Variants in ZBTB17 observed in about 807,000 individuals in gnomAD.
ZBTB17 encodes zinc finger and BTB domain-containing protein 17.
A neutral mutation model predicts 85.1 loss-of-function variants in ZBTB17; 24 were observed. That is an observed-to-expected ratio of 0.28 (90% CI 0.20 to 0.40). The LOEUF (loss-of-function observed/expected upper bound fraction) is 0.40. Among genes scored for constraint, ZBTB17 ranks in the 10% least tolerant of loss-of-function variants. The probability of loss-of-function intolerance (pLI) is 1.00; values close to 1 mark genes in which losing one functional copy is unlikely to be tolerated. For synonymous variants in ZBTB17, 464 were observed against 460.2 expected, an observed-to-expected ratio of 1.01 and a Z score of -0.11; for missense variants, 743 against 1,105.1, an observed-to-expected ratio of 0.67 and a Z score of 4.65.
intron 2 of ZBTB17, among the ~76,000 whole-genome samples, chr1:15,957,651 G>C (rs2072099544): frequency 6.6e-6 from 1 of 152,180 alleles, no homozygotes; most frequent in African/African-American, 2.4e-5. Flanking sequence ...AGGAGGCTTA[G>C]TAGGGGCCCC....
intron 2 of ZBTB17, among the ~76,000 whole-genome samples, chr1:15,972,192 C>T (rs1243947489): frequency 2.6e-5 from 4 of 152,198 alleles, no homozygotes; most frequent in African/African-American, 2.4e-5. Context: ...TCCCGGGATT[C>T]AGTCTTACTT....
Position 15,944,550 on chromosome 1 carries a change from A to G in ZBTB17, c.1121T>C (p.Ile374Thr). ...CTTCTTGTGCAGGTTCAGCAGGCTG[A>G]TGAGGCGGTAGCTCTTCCCGCACTC... is the stretch of plus-strand genomic sequence containing the variant. ...CEECGKSYRL[I>T]SLLNLHKKRH... The change falls in exon 9 of 16, where the codon ATC becomes ACC. Residue 374 changes from isoleucine to threonine, a missense_variant. Physicochemically the swap from Ile to Thr is moderately conservative, Grantham distance 89. This residue lies in a region of ZBTB17 where 321 missense variants were observed against 615.7 expected (regional missense o/e 0.52). Coordinates refer to ENST00000375743, the MANE Select transcript of ZBTB17 (RefSeq NM_003443.3). 1 of 1,597,068 alleles carries G rather than the reference A, an allele frequency of 6.3e-7. No homozygotes were observed. The highest frequency in any genetic ancestry group is 8.5e-7 in the Non-Finnish European group (1 of 1,177,778).
chr1:15,975,015 G>T (rs1048925999), intron 1 of ZBTB17, among the ~76,000 whole-genome samples: 1 of 152,164 alleles, frequency 6.6e-6, no homozygotes, highest in African/African-American at 2.4e-5. Context: ...AGCTTTCTGG[G>T]GGACAGAAGC....
intron 13 of ZBTB17, 93 bp downstream of exon 13, chr1:15,942,971 A>C: frequency 4.5e-6 from 7 of 1,547,084 alleles, no homozygotes; most frequent in Non-Finnish European, 6.1e-6. Context: ...CTAGCACCCG[A>C]GGCTGGGGTC....
chr1:15,970,106 A>G, intron 2 of ZBTB17: 1 of 646,130 alleles, frequency 1.5e-6, no homozygotes, highest in Non-Finnish European at 2.8e-6. Context: ...ATTACCCAAC[A>G]CCACAGTAGT....
In ZBTB17 at chr1:15,953,150, T is replaced by G. The variant is rs982555092; in HGVS notation, c.-2-4653A>C. On this transcript the variant is annotated intron_variant, in intron 2 of 15. Coordinates refer to ENST00000375743, the MANE Select transcript of ZBTB17 (RefSeq NM_003443.3). The surrounding 1 kb of genome is among the most constrained non-coding windows in gnomAD (Gnocchi z 5.1). ...TGTGTATATTTCATATACATTTACA[T>G]GAAAACATTCCAATTATTTAAAAAA... Among the ~76,000 whole-genome samples, 3 of 152,074 alleles carry G rather than the reference T, an allele frequency of 2.0e-5. No individual in the cohort carries two copies. The highest frequency in any genetic ancestry group is 2.0e-4 in the Admixed American group (3 of 15,270).
Position 15,952,721 on chromosome 1 carries a change from G to A in ZBTB17, c.-2-4224C>T, listed in dbSNP as rs539150716. 6.6e-6 allele frequency among the ~76,000 whole-genome samples: 1 copy of A among 152,234 alleles called. No homozygotes were observed. The highest frequency in any genetic ancestry group is 1.5e-5 in the Non-Finnish European group (1 of 68,050). ...CCGTGTGAGTGGGAGACACATGGAG[G>A]GGCTCTGGGGAGAGGGCACATGGAG... On this transcript the variant is annotated intron_variant, in intron 2 of 15. Transcript: ENST00000375743. This position sits in a 1 kb window ranked among gnomAD's most constrained non-coding sequence, Gnocchi z 4.3.
In ZBTB17 at chr1:15,944,757, C is replaced by T. The variant is rs1334803768; in HGVS notation, c.1010G>A (p.Arg337Gln). The T allele has an allele frequency of 1.2e-6, 2 of 1,612,796 alleles. No individual in the cohort carries two copies. The highest frequency in any genetic ancestry group is 1.7e-6 in the Non-Finnish European group (2 of 1,179,854). The change falls in exon 8 of 16, where the codon CGG becomes CAG. Residue 337 changes from arginine to glutamine, a missense_variant. Physicochemically the swap from Arg to Gln is conservative, Grantham distance 43 (BLOSUM62 1). This residue lies in a region of ZBTB17 where 321 missense variants were observed against 615.7 expected (regional missense o/e 0.52). Transcript: ENST00000375743. ...GTCGGAAAAGGCCTTGCTGCACTCC[C>T]GGCACGAGAAGGGCTTCTCCCCCGT... ...IHTGEKPFSCRECSKAFSDPA... is the reference protein window; with the variant it reads ...IHTGEKPFSCQECSKAFSDPA...
chr1:15,946,461 C>A, intron 4 of ZBTB17, 167 bp from the exon 5 acceptor site: 1 of 1,044,916 alleles, frequency 9.6e-7, no homozygotes, highest in Non-Finnish European at 1.4e-6. Flanking sequence ...GCACCCACTC[C>A]ATGCCAGGCT....
chr1:15,944,725 C>A lies in ZBTB17; in HGVS notation c.1042G>T (p.Ala348Ser). The change falls in exon 8 of 16, where the codon GCG becomes TCG. Residue 348 changes from alanine to serine, a missense_variant. By Grantham distance (99) the Ala-to-Ser change is moderately conservative. Coordinates refer to ENST00000375743, the MANE Select transcript of ZBTB17 (RefSeq NM_003443.3). The part of the protein sequence containing the change: ...ECSKAFSDPA[A>S]CKAHEKTHSP... ...TGCGTCTTCTCATGGGCCTTGCACG[C>A]GGCCGGGTCGGAAAAGGCCTTGCTG... The A allele has an allele frequency of 6.2e-7, 1 of 1,610,976 alleles. No individual in the cohort carries two copies. The highest frequency in any genetic ancestry group is 8.5e-7 in the Non-Finnish European group (1 of 1,179,904).
At position 15,948,353 on chromosome 1, in the gene ZBTB17, T is replaced by C. The variant is rs753437669; in HGVS notation, c.143A>G (p.Tyr48Cys). 2 of 1,614,022 alleles carry C rather than the reference T, an allele frequency of 1.2e-6. No homozygotes were observed. Among genetic ancestry groups the C allele is most frequent in the Non-Finnish European group, 1.7e-6 (2 of 1,180,048 alleles). Reference protein sequence around the residue: ...HKAVLAACSEYFKMLFVDQKD... With the variant: ...HKAVLAACSECFKMLFVDQKD... ...CTGGTCCACGAAGAGCATCTTGAAG[T>C]ACTCGCTGCAGGCCGCCAGCACTGC... Residue 48 changes from tyrosine to cysteine, a missense_variant, in exon 3 of 16, where the codon TAC becomes TGC. By Grantham distance (194) the Tyr-to-Cys change is radical. Around this residue, in one of 4 missense-constraint regions of ZBTB17, gnomAD observed 74 missense variants for 142.6 expected, o/e 0.52. Transcript: ENST00000375743.
chr1:15,963,872 A>G (rs113035051), intron 2 of ZBTB17, among the ~76,000 whole-genome samples: 5,513 of 152,218 alleles, frequency 0.036, 327 homozygotes, highest in African/African-American at 0.12. Context: ...TTGGGAGGCC[A>G]AAGCAGGAGG....
Position 15,966,735 on chromosome 1 carries a change from G to T in ZBTB17, c.-3+6304C>A, listed in dbSNP as rs2148808874. Among the ~76,000 whole-genome samples, 1 of 152,082 alleles carries T rather than the reference G, an allele frequency of 6.6e-6. No individual in the cohort carries two copies. The highest frequency in any genetic ancestry group is 2.1e-4 in the South Asian group (1 of 4,814). Reference sequence around the variant, plus strand: ...TGGCATTCCACACACACGCAGCAAGGTTCAATGAGCCACAGTACTTACTCT... The same window carrying T: ...TGGCATTCCACACACACGCAGCAAGTTTCAATGAGCCACAGTACTTACTCT... On this transcript the variant is annotated intron_variant, in intron 2 of 15. Transcript: ENST00000375743. This position sits in a 1 kb window ranked among gnomAD's most constrained non-coding sequence, Gnocchi z 4.1.
chr1:15,970,183 A>G (rs2072594083), intron 2 of ZBTB17: 1 of 514,474 alleles, frequency 1.9e-6, no homozygotes. Flanking sequence ...ATTTGCTGCC[A>G]AGTTTATTTG....
chr1:15,944,176 G>T (rs1348953938), intron 9 of ZBTB17, 124 bp downstream of exon 9: 5 of 1,368,924 alleles, frequency 3.7e-6, no homozygotes, highest in Non-Finnish European at 5.0e-6. Flanking sequence ...TGTTTCCTGG[G>T]TGAACAAGCT....
rs1161698528 is a variant in ZBTB17 at position 15,952,061 on chromosome 1, A to T, written c.-2-3564T>A. On this transcript the variant is annotated intron_variant, in intron 2 of 15. Transcript: ENST00000375743. The surrounding 1 kb of genome is among the most constrained non-coding windows in gnomAD (Gnocchi z 4.3). ...CTTCACCTTGCGTGATGGGCGATAA[A>T]TATGTGCACTAGTTAAAGCAACTTC... Among the ~76,000 whole-genome samples the T allele has an allele frequency of 1.3e-5, 2 of 152,168 alleles. No homozygotes were observed. Among genetic ancestry groups the T allele is most frequent in the Non-Finnish European group, 2.9e-5 (2 of 68,040 alleles).
chr1:15,948,032 T>C (rs1003324140), intron 3 of ZBTB17: 7 of 550,378 alleles, frequency 1.3e-5, no homozygotes, highest in South Asian at 8.0e-5. Context: ...CAATGAGGCC[T>C]TTCCTGTGTT....
intron 2 of ZBTB17, among the ~76,000 whole-genome samples, chr1:15,957,357 G>A (rs1184888964): frequency 1.6e-5 from 2 of 125,772 alleles, no homozygotes; most frequent in African/African-American, 3.5e-5. Context: ...TTTGGCACAG[G>A]GGCCGGTGTG....
intron 13 of ZBTB17, 101 bp downstream of exon 13, chr1:15,942,963 A>G: frequency 6.6e-7 from 1 of 1,524,714 alleles, no homozygotes; most frequent in Admixed American, 2.0e-5. Context: ...AGCAAGAGCT[A>G]GCACCCGAGG....
Sources: allele counts gnomAD v4.1 joint callset (sites outside exome capture counted in the v4.1 genomes callset), GRCh38; gene constraint gnomAD v4.1.1; regional missense constraint gnomAD v4.1.1; non-coding constraint Gnocchi (gnomAD v3.1); transcripts MANE v1.5; gene names NCBI Gene and HGNC (gene_info 2026-07-23, HGNC 2026-07-21).